The following GRIP1 variants were observed in gnomAD, a reference collection of about 807,000 sequenced individuals.
GRIP1 encodes glutamate receptor interacting protein 1.
GRIP1 carries 45 observed loss-of-function variants against 129.9 expected under a neutral mutation model. The observed-to-expected ratio is 0.35, with a 90% confidence interval of 0.27 to 0.44. The LOEUF is 0.44. Ranked by LOEUF, GRIP1 falls within the 20% of genes least tolerant of loss-of-function variation. The pLI is 1.00. For synonymous variants in GRIP1, 530 were observed against 520.8 expected (o/e 1.02, Z -0.24); for missense variants, 1,196 against 1,396.8 (o/e 0.86, Z 2.29).
chr12:66,965,549 T>TTGTGTG (rs368637185), intron 1 of GRIP1, among the ~76,000 whole-genome samples: 8,162 of 128,150 alleles, frequency 0.064, 348 homozygotes, highest in East Asian at 0.16. Context: ...AAAAGAAACA[T>TTGTGTG]TGTGTGTGTG....
At chr12:66,827,385 TGTGAGA>T (rs1308099621) in intron 1 of GRIP1, among the ~76,000 whole-genome samples, 18 of 71,492 alleles carry the variant, frequency 2.5e-4, no homozygotes, top group African/African-American at 5.6e-4. Context: ...TGTGTGTGTG[TGTGAGA>T]GAGAGAGAGA....
At chr12:66,363,150 T>A (rs12371321) in intron 23 of GRIP1, among the ~76,000 whole-genome samples, 1 of 132,564 alleles carries the variant, frequency 7.5e-6, no homozygotes, top group African/African-American at 3.0e-5. Context: ...TACACACACA[T>A]ATATACATAT....
At chr12:66,564,178 C>T (rs1170022607) in intron 2 of GRIP1, 1 of 152,378 alleles carries the variant, frequency 6.6e-6, no homozygotes, top group Non-Finnish European at 1.5e-5. Flanking sequence ...GCACAACGTG[C>T]AGGTTTGTTA....
intron 7 of GRIP1, among the ~76,000 whole-genome samples, chr12:66,469,527 A>G (rs2059378344): frequency 6.6e-6 from 1 of 152,226 alleles, no homozygotes. Flanking sequence ...GATGGCTTCC[A>G]CCTTCAAAGA....
intron 14 of GRIP1, among the ~76,000 whole-genome samples, chr12:66,425,470 T>G (rs2057949857): frequency 6.6e-6 from 1 of 152,226 alleles, no homozygotes; most frequent in Non-Finnish European, 1.5e-5. Context: ...ATCCCATTAC[T>G]GGGTATATAC....
intron 1 of GRIP1, among the ~76,000 whole-genome samples, chr12:66,770,249 C>A (rs1412347930): frequency 6.6e-6 from 1 of 152,092 alleles, no homozygotes; most frequent in Admixed American, 6.5e-5. Flanking sequence ...AAAAACTAGC[C>A]AAATGAATAA....
chr12:66,450,242 TGCAGTGAGCGGAGATCTC>T (rs898794834), intron 11 of GRIP1, among the ~76,000 whole-genome samples: 2 of 136,128 alleles, frequency 1.5e-5, no homozygotes, highest in African/African-American at 5.6e-5. Flanking sequence ...AGGCGGAGCT[TGCAGTGAGCGGAGATCTC>T]GCCACTGCAC....
chr12:66,615,664 C>T (rs994089513), intron 1 of GRIP1, among the ~76,000 whole-genome samples: 2 of 152,076 alleles, frequency 1.3e-5, no homozygotes, highest in Admixed American at 6.5e-5. Context: ...ATTTTTGAAA[C>T]GGAGTTTCAC....
intron 1 of GRIP1, among the ~76,000 whole-genome samples, chr12:66,963,193 T>C (rs2041947744): frequency 6.6e-6 from 1 of 151,736 alleles, no homozygotes; most frequent in African/African-American, 2.4e-5. Flanking sequence ...CATGCACCTG[T>C]AGTCCCAGCT....
intron 1 of GRIP1, among the ~76,000 whole-genome samples, chr12:66,989,332 T>G (rs558671916): frequency 1.3e-5 from 2 of 152,322 alleles, no homozygotes; most frequent in African/African-American, 4.8e-5. Flanking sequence ...GCATGGGAAG[T>G]TTTTACTGAA....
intron 1 of GRIP1, among the ~76,000 whole-genome samples, chr12:66,707,932 T>C (rs1009976529): frequency 6.6e-6 from 1 of 152,094 alleles, no homozygotes; most frequent in Non-Finnish European, 1.5e-5. Flanking sequence ...GCAGGACTAT[T>C]CTAATTATGC....
chr12:66,865,108 G>A (rs1369390247), intron 1 of GRIP1, among the ~76,000 whole-genome samples: 1 of 152,156 alleles, frequency 6.6e-6, no homozygotes, highest in East Asian at 1.9e-4. Context: ...TAAGGGAACT[G>A]TAAGATGAAA....
chr12:66,919,344 C>A (rs1380942995), intron 1 of GRIP1, among the ~76,000 whole-genome samples: 1 of 152,162 alleles, frequency 6.6e-6, no homozygotes, highest in Non-Finnish European at 1.5e-5. Context: ...GATTATTATA[C>A]TCCTTAGGGA....
At chr12:66,744,879 C>A (rs984540381) in intron 1 of GRIP1, among the ~76,000 whole-genome samples, 3 of 152,144 alleles carry the variant, frequency 2.0e-5, no homozygotes. Flanking sequence ...CTGACATTTA[C>A]TAAATGTGTA....
chr12:66,624,014 C>A (rs570699026), intron 1 of GRIP1, among the ~76,000 whole-genome samples: 3 of 152,164 alleles, frequency 2.0e-5, no homozygotes, highest in East Asian at 1.9e-4. Context: ...ATAATTAATT[C>A]ATTCATTTGT....
intron 1 of GRIP1, among the ~76,000 whole-genome samples, chr12:66,705,174 A>G (rs1208509199): frequency 2.6e-5 from 4 of 152,028 alleles, no homozygotes; most frequent in African/African-American, 9.7e-5. Flanking sequence ...GGACTTTTCT[A>G]TTAAGAATAA....
intron 4 of GRIP1, among the ~76,000 whole-genome samples, chr12:66,531,898 A>G (rs922966061): frequency 6.6e-6 from 1 of 152,212 alleles, no homozygotes; most frequent in Non-Finnish European, 1.5e-5. Context: ...AATGGTTTAC[A>G]CATATTATTT....
intron 1 of GRIP1, among the ~76,000 whole-genome samples, chr12:67,052,056 A>G (rs1947119028): frequency 6.6e-6 from 1 of 152,218 alleles, no homozygotes; most frequent in African/African-American, 2.4e-5. Flanking sequence ...CATATTCTTT[A>G]AAATCAATCC....
intron 1 of GRIP1, among the ~76,000 whole-genome samples, chr12:67,010,854 C>A (rs2042696430): frequency 6.6e-6 from 1 of 152,104 alleles, no homozygotes; most frequent in African/African-American, 2.4e-5. Flanking sequence ...TCCTAGGTTT[C>A]TGCCTACTCC....
Sources: gnomAD v4.1 joint callset for allele counts (sites outside exome capture counted in the v4.1 genomes callset) on GRCh38, gnomAD v4.1.1 for gene constraint, MANE v1.5 for transcripts, NCBI Gene and HGNC (gene_info 2026-07-23, HGNC 2026-07-21) for gene names.